Variants in SPECC1L observed in about 807,000 individuals in gnomAD.
The protein encoded by SPECC1L is sperm antigen with calponin homology and coiled-coil domains 1 like, also known as cytospin-A.
Under a neutral mutation model 116.8 loss-of-function variants are expected in SPECC1L, and 40 were observed. That is an observed-to-expected ratio of 0.34 (90% CI 0.27 to 0.45). The LOEUF is 0.45. SPECC1L is among the 20% of genes least tolerant of loss of function. SPECC1L has a pLI of 1.00. For synonymous variants in SPECC1L, 504 were observed against 500.6 expected, an observed-to-expected ratio of 1.01 and a Z score of -0.09; for missense variants, 1,110 against 1,373.6, an observed-to-expected ratio of 0.81 and a Z score of 3.03.
chr22:24,271,495 G>C (rs1282616926), intron 1 of SPECC1L, among the ~76,000 whole-genome samples: 1 of 152,278 alleles, frequency 6.6e-6, no homozygotes, highest in African/African-American at 2.4e-5. Flanking sequence ...CGGCGCCCGA[G>C]GCGGACGGAA....
intron 14 of SPECC1L, among the ~76,000 whole-genome samples, chr22:24,400,481 T>C (rs1438985976): frequency 2.0e-5 from 3 of 152,254 alleles, no homozygotes; most frequent in African/African-American, 7.2e-5. Flanking sequence ...TGGTGGGCAT[T>C]TGGGTTGTTT....
At chr22:24,280,639 A>G (rs1371680355) in intron 2 of SPECC1L, among the ~76,000 whole-genome samples, 2 of 141,582 alleles carry the variant, frequency 1.4e-5, no homozygotes, top group African/African-American at 5.4e-5. Context: ...GGGCAGCAGT[A>G]TGACCACAGC....
chr22:24,280,577 A>ATT (rs34634285), intron 2 of SPECC1L, among the ~76,000 whole-genome samples: 2,783 of 128,582 alleles, frequency 0.022, 16 homozygotes, highest in Admixed American at 0.074. Context: ...TTTCAATAAC[A>ATT]TTTTTTTTTT....
intron 2 of SPECC1L, among the ~76,000 whole-genome samples, chr22:24,281,899 AAT>A (rs2048950993): frequency 6.6e-6 from 1 of 152,224 alleles, no homozygotes; most frequent in Non-Finnish European, 1.5e-5. Flanking sequence ...CGGGAATTGT[AAT>A]AGAGAAAGAG....
chr22:24,388,852 G>A (rs371378882), intron 14 of SPECC1L, among the ~76,000 whole-genome samples: 3 of 151,984 alleles, frequency 2.0e-5, no homozygotes, highest in South Asian at 2.1e-4. Flanking sequence ...TACAACTCCC[G>A]TACCATACAA....
intron 14 of SPECC1L, among the ~76,000 whole-genome samples, chr22:24,396,222 A>G (rs2042365781): frequency 6.6e-6 from 1 of 152,168 alleles, no homozygotes; most frequent in Non-Finnish European, 1.5e-5. Flanking sequence ...GCACAACCAG[A>G]GAGGTAGTTA....
At chr22:24,301,939 G>A (rs889164173) in intron 2 of SPECC1L, among the ~76,000 whole-genome samples, 3 of 151,978 alleles carry the variant, frequency 2.0e-5, no homozygotes, top group Admixed American at 6.6e-5. Flanking sequence ...CCAACTACTC[G>A]GAAGGCTGAG....
chr22:24,412,714 C>A lies in SPECC1L; in HGVS notation c.3264+7C>A. The stretch of plus-strand genomic sequence containing the variant: ...CGGCATCAAATCCACACTGGTGAGC[C>A]CTTGTCCCCCTGAGTCACTGGCAGG... On this transcript the variant is annotated splice_region_variant and intron_variant, in intron 16 of 16. Transcript: ENST00000314328. 1 of 1,614,012 alleles carries A rather than the reference C, an allele frequency of 6.2e-7. No homozygotes were observed. The highest frequency in any genetic ancestry group is 8.5e-7 in the Non-Finnish European group (1 of 1,180,006).
At chr22:24,298,023 G>A (rs1301858756) in intron 2 of SPECC1L, among the ~76,000 whole-genome samples, 1 of 151,694 alleles carries the variant, frequency 6.6e-6, no homozygotes, top group Non-Finnish European at 1.5e-5. Context: ...ATCATAGGTG[G>A]TATGTATACA....
chr22:24,394,169 G>A (rs1201789347), intron 14 of SPECC1L, among the ~76,000 whole-genome samples: 1 of 152,182 alleles, frequency 6.6e-6, no homozygotes, highest in Non-Finnish European at 1.5e-5. Context: ...TTCATATGGT[G>A]TCTTAGTCAG....
intron 8 of SPECC1L, among the ~76,000 whole-genome samples, chr22:24,331,913 A>G (rs564700749): frequency 1.3e-5 from 2 of 152,344 alleles, no homozygotes; most frequent in Non-Finnish European, 2.9e-5. Flanking sequence ...GTCCTTGAGT[A>G]CACTCTTTAG....
intron 14 of SPECC1L, among the ~76,000 whole-genome samples, chr22:24,381,253 A>G (rs1023723918): frequency 1.3e-5 from 2 of 152,250 alleles, no homozygotes; most frequent in African/African-American, 4.8e-5. Flanking sequence ...TTTATTTTGA[A>G]TGAAAAATCT....
chr22:24,353,002 G>A (rs1459133379), intron 11 of SPECC1L, among the ~76,000 whole-genome samples: 1 of 152,128 alleles, frequency 6.6e-6, no homozygotes, highest in African/African-American at 2.4e-5. Context: ...ATGCATATCA[G>A]TATTTATGGT....
intron 11 of SPECC1L, among the ~76,000 whole-genome samples, chr22:24,355,167 C>T (rs1292543799): frequency 1.3e-5 from 2 of 150,132 alleles, no homozygotes; most frequent in Admixed American, 6.7e-5. Context: ...CCTGTAGTCC[C>T]AGGTACTCAG....
At chr22:24,374,550 C>T (rs2041934645) in intron 14 of SPECC1L, among the ~76,000 whole-genome samples, 1 of 144,856 alleles carries the variant, frequency 6.9e-6, no homozygotes, top group African/African-American at 2.6e-5. Context: ...TGCATGTTCT[C>T]ACTCATAGGT....
intron 2 of SPECC1L, among the ~76,000 whole-genome samples, chr22:24,279,825 G>A (rs571886916): frequency 5.3e-5 from 8 of 152,240 alleles, no homozygotes; most frequent in African/African-American, 1.7e-4. Context: ...TGATCTGCCC[G>A]CCTCAGCCTC....
chr22:24,309,632 C>A (rs2040420648), intron 3 of SPECC1L, among the ~76,000 whole-genome samples: 1 of 152,054 alleles, frequency 6.6e-6, no homozygotes, highest in African/African-American at 2.4e-5. Flanking sequence ...AACTCCTGAC[C>A]TCGTGATCTA....
intron 9 of SPECC1L, 42 bp from the exon 10 acceptor site, chr22:24,338,344 G>A: frequency 1.3e-6 from 2 of 1,595,758 alleles, no homozygotes; most frequent in East Asian, 2.2e-5. Flanking sequence ...AGCTTCCACT[G>A]TACAGTGACA....
intron 14 of SPECC1L, among the ~76,000 whole-genome samples, chr22:24,388,354 C>T (rs1468664821): frequency 4.0e-5 from 6 of 149,470 alleles, no homozygotes; most frequent in East Asian, 2.0e-4. Flanking sequence ...TTTGTCCTTG[C>T]GATAGTTTGC....
Sources: gnomAD v4.1 joint callset for allele counts (sites outside exome capture counted in the v4.1 genomes callset) on GRCh38, gnomAD v4.1.1 for gene constraint, MANE v1.5 for transcripts, NCBI Gene and HGNC (gene_info 2026-07-23, HGNC 2026-07-21) for gene names.